The following IL16 variants were observed in gnomAD, a reference collection of about 807,000 sequenced individuals.
IL16 encodes the protein pro-interleukin-16.
IL16 carries 67 observed loss-of-function variants against 110.1 expected under a neutral mutation model. The observed-to-expected ratio is 0.61, with a 90% CI of 0.50 to 0.75. The LOEUF (loss-of-function observed/expected upper bound fraction) is 0.75. Among genes scored for constraint, IL16 ranks in the 30% least tolerant of loss-of-function variants. IL16 has a pLI of 0.00. For synonymous variants in IL16, 689 were observed against 662.9 expected, an observed-to-expected ratio of 1.04 and a Z score of -0.61; for missense variants, 1,545 against 1,655.0, an observed-to-expected ratio of 0.93 and a Z score of 1.15.
At chr15:81,223,960 A>C (rs1412109339) in intron 1 of IL16, among the ~76,000 whole-genome samples, 1 of 152,260 alleles carries the variant, frequency 6.6e-6, no homozygotes, top group African/African-American at 2.4e-5. Context: ...AGGGTGCTTG[A>C]TAAAATGGAT....
intron 2 of IL16, among the ~76,000 whole-genome samples, chr15:81,239,800 T>TTTGTTTGTTTG (rs371767132): frequency 1.3e-5 from 2 of 152,000 alleles, no homozygotes; most frequent in African/African-American, 4.8e-5. Context: ...TGTTTGTTTG[T>TTTGTTTGTTTG]TTTTGGCTTT....
At chr15:81,243,524 CT>C (rs1324082724) in intron 2 of IL16, among the ~76,000 whole-genome samples, 7 of 151,602 alleles carry the variant, frequency 4.6e-5, no homozygotes, top group Admixed American at 3.3e-4. Context: ...TTGTAGTTTT[CT>C]TTTTTTGTAA....
intron 2 of IL16, among the ~76,000 whole-genome samples, chr15:81,246,381 C>G (rs1323411640): frequency 1.3e-5 from 2 of 152,156 alleles, no homozygotes; most frequent in African/African-American, 2.4e-5. Context: ...TCTATTCTCT[C>G]TTTCTTTTTC....
intron 4 of IL16, among the ~76,000 whole-genome samples, chr15:81,266,091 T>A (rs1180298609): frequency 2.0e-5 from 3 of 152,234 alleles, no homozygotes; most frequent in Admixed American, 1.3e-4. Context: ...GGGGGGACCC[T>A]GAACTATGGC....
chr15:81,253,878 G>A (rs975776582), intron 2 of IL16, among the ~76,000 whole-genome samples: 1 of 152,178 alleles, frequency 6.6e-6, no homozygotes, highest in Non-Finnish European at 1.5e-5. Flanking sequence ...TGCAGGGGTC[G>A]GAGAGTAAGA....
intron 1 of IL16, among the ~76,000 whole-genome samples, chr15:81,204,701 A>T (rs1895946122): frequency 6.6e-6 from 1 of 152,006 alleles, no homozygotes; most frequent in African/African-American, 2.4e-5. Context: ...ACAAACCTGC[A>T]CGTTGTGCAC....
Position 81,303,538 on chromosome 15 carries a change from T to G in IL16, c.3319-11T>G, listed in dbSNP as rs773532208. ...GTAAAATGTTTTTGAATGTATGTAT[T>G]TCCTCTGCAGCAATTAGACGGCATC... On this transcript the variant is annotated splice_polypyrimidine_tract_variant and intron_variant, in intron 15 of 18. Coordinates refer to ENST00000683961, the MANE Select transcript of IL16 (RefSeq NM_172217.5). This position sits in a 1 kb window ranked among gnomAD's most constrained non-coding sequence, Gnocchi z 4.1. The G allele has an allele frequency of 1.3e-6, 2 of 1,572,708 alleles. No homozygotes were observed. Among genetic ancestry groups the G allele is most frequent in the South Asian group, 2.2e-5 (2 of 90,280 alleles).
In IL16 at chr15:81,241,734, A is replaced by T. The variant is rs548222446; in HGVS notation, c.312+16023A>T. Among the ~76,000 whole-genome samples, 10 of 152,222 alleles carry T rather than the reference A, an allele frequency of 6.6e-5. No homozygotes were observed. The South Asian group carries it at 2.1e-3, about 32-fold the overall frequency. On this transcript the variant is annotated intron_variant, in intron 2 of 18. Coordinates refer to ENST00000683961, the MANE Select transcript of IL16 (RefSeq NM_172217.5). The stretch of plus-strand genomic sequence containing the variant: ...GTTTCCCCCAATGGTAACATCTTGT[A>T]AAATTATAGTAGAATATTACTGATG...
At chr15:81,304,578 A>G (rs77016804) in intron 16 of IL16, among the ~76,000 whole-genome samples, 7 of 152,344 alleles carry the variant, frequency 4.6e-5, no homozygotes, top group African/African-American at 1.4e-4. Flanking sequence ...ATCCACGGCC[A>G]TGCTGAGCAC....
At chr15:81,239,150 G>A (rs983512051) in intron 2 of IL16, among the ~76,000 whole-genome samples, 51 of 151,906 alleles carry the variant, frequency 3.4e-4, no homozygotes, top group Admixed American at 1.4e-3. Context: ...CACATGACTC[G>A]TGAATTCTCA....
At chr15:81,199,019 C>CAA (rs71451567) in intron 1 of IL16, among the ~76,000 whole-genome samples, 4,053 of 78,610 alleles carry the variant, frequency 0.052, 92 homozygotes, top group East Asian at 0.065. Context: ...GACTCCATCT[C>CAA]AAAAAAAAAA....
intron 1 of IL16, among the ~76,000 whole-genome samples, chr15:81,188,974 C>A (rs912898614): frequency 1.3e-5 from 2 of 152,102 alleles, no homozygotes; most frequent in Non-Finnish European, 1.5e-5. Context: ...TTATTTATTT[C>A]TTATTTATTG....
chr15:81,237,509 T>A (rs892130568), intron 2 of IL16, among the ~76,000 whole-genome samples: 6 of 152,324 alleles, frequency 3.9e-5, no homozygotes, highest in African/African-American at 1.4e-4. Context: ...GTAAGATGTA[T>A]ACACACTCTA....
chr15:81,288,910 T>G (rs1376392701), intron 10 of IL16, among the ~76,000 whole-genome samples: 3 of 152,128 alleles, frequency 2.0e-5, no homozygotes, highest in African/African-American at 7.2e-5. Context: ...TGTTTCCACC[T>G]TTTGACTATT....
At chr15:81,275,361 G>C (rs1898856144) in intron 6 of IL16, among the ~76,000 whole-genome samples, 1 of 99,722 alleles carries the variant, frequency 1.0e-5, no homozygotes, top group Non-Finnish European at 2.0e-5. Flanking sequence ...GGGGGAGGAG[G>C]GGGGGGAGGG....
chr15:81,287,491 T>C (rs554338421), intron 10 of IL16, among the ~76,000 whole-genome samples: 17 of 152,286 alleles, frequency 1.1e-4, no homozygotes, highest in Admixed American at 3.9e-4. Flanking sequence ...CAAAGAATTA[T>C]TTAATCTTAA....
chr15:81,222,791 C>T (rs1046270644), intron 1 of IL16, among the ~76,000 whole-genome samples: 1 of 151,600 alleles, frequency 6.6e-6, no homozygotes, highest in Non-Finnish European at 1.5e-5. Context: ...CACATCTTTC[C>T]CTGTGAAACC....
chr15:81,299,116 C>T (rs949218724), intron 13 of IL16, among the ~76,000 whole-genome samples: 10 of 152,188 alleles, frequency 6.6e-5, no homozygotes, highest in East Asian at 1.9e-4. Flanking sequence ...TGCCAGAGGT[C>T]GGCCCAGATA....
chr15:81,211,992 A>G (rs1247020331), intron 1 of IL16, among the ~76,000 whole-genome samples: 1 of 152,208 alleles, frequency 6.6e-6, no homozygotes, highest in East Asian at 1.9e-4. Flanking sequence ...ACATTTTGGT[A>G]TTAGACTGAT....
Sources: gnomAD v4.1 joint callset for allele counts (sites outside exome capture counted in the v4.1 genomes callset) on GRCh38, gnomAD v4.1.1 for gene constraint, Gnocchi (gnomAD v3.1) non-coding constraint, MANE v1.5 for transcripts, NCBI Gene and HGNC (gene_info 2026-07-23, HGNC 2026-07-21) for gene names.